Variants in AXIN1 observed in about 807,000 individuals in gnomAD.
AXIN1 encodes axin 1, also known as axin-1.
In AXIN1, 30 loss-of-function variants were observed where a neutral mutation model predicts 76.4. That is an observed-to-expected ratio of 0.39 (90% CI 0.29 to 0.53). The LOEUF (loss-of-function observed/expected upper bound fraction) is 0.53, where lower values mean the gene tolerates loss of function less well. Ranked by LOEUF, AXIN1 falls within the 20% of genes least tolerant of loss-of-function variation. The probability of loss-of-function intolerance (pLI) is 0.66; values close to 1 mark genes in which losing one functional copy is unlikely to be tolerated. For synonymous variants in AXIN1, 545 were observed against 501.4 expected, an observed-to-expected ratio of 1.09 and a Z score of -1.16; for missense variants, 1,140 against 1,198.8, an observed-to-expected ratio of 0.95 and a Z score of 0.72.
At chr16:288,398 G>A (rs1018814429) in intron 10 of AXIN1, 150 bp from the exon 11 acceptor site, 6 of 1,178,688 alleles carry the variant, frequency 5.1e-6, no homozygotes, top group Non-Finnish European at 7.3e-6. Flanking sequence ...CCCTCCCAGG[G>A]CAACAGTGAA....
In AXIN1 at chr16:297,910, G is replaced by A. The variant is rs1313500414; in HGVS notation, c.1596C>T (p.His532=). ...GGTGGACGTGGTGGTGGACGTGTCG[G>A]TGGTGGTGCAGGCCGGCCGCGTCCA... ...AKLDAAGLHH[H]RHVHHHVHHS... The change falls in exon 6 of 11, where the codon CAC becomes CAT. Residue 532 remains histidine, a synonymous_variant. Transcript: ENST00000262320. The A allele has an allele frequency of 6.3e-7, 1 of 1,597,522 alleles. No homozygotes were observed. The highest frequency in any genetic ancestry group is 8.5e-7 in the Non-Finnish European group (1 of 1,171,180).
rs34396403 is a variant in AXIN1 at position 287,827 on chromosome 16, T to TGG, written c.*293_*294dup. Reference sequence around the variant, plus strand: ...CGTGCCCAAGGGAGGTGCCGGGGGATGGGGGGGGGTCACCTGAAGCTGGCA... The same window carrying TGG: ...CGTGCCCAAGGGAGGTGCCGGGGGATGGGGGGGGGGGTCACCTGAAGCTGGCA... On this transcript the variant is annotated 3_prime_UTR_variant, in exon 11 of 11. Transcript: ENST00000262320. 1,755 of 492,628 alleles carry TGG rather than the reference T, an allele frequency of 3.6e-3. 18 individuals carry two copies. The highest frequency in any genetic ancestry group is 0.027 in the African/African-American group (1,363 of 51,348). 30.5% of individuals were successfully genotyped at this position (492,628 alleles called of 1,614,324 possible). A position where few individuals can be genotyped will look rare whatever the true frequency, so the allele number is the denominator to read the frequency against.
In AXIN1 at chr16:293,824, G is replaced by T; in HGVS notation, c.1956-106C>A. ...GGGCAGCCTCCTTGAGGGATAGGAT[G>T]GGATGGGGCACTGGGGCCTGGCCAC... On this transcript the variant is annotated intron_variant, in intron 7 of 10. Transcript: ENST00000262320. The surrounding 1 kb of genome is among the most constrained non-coding windows in gnomAD (Gnocchi z 4.6). 1 of 1,127,672 alleles carries T rather than the reference G, an allele frequency of 8.9e-7. No individual in the cohort carries two copies. Among genetic ancestry groups the T allele is most frequent in the South Asian group, 1.2e-5 (1 of 81,048 alleles). 69.9% of individuals were successfully genotyped at this position (1,127,672 alleles called of 1,614,324 possible).
intron 2 of AXIN1, 28 bp downstream of exon 2, chr16:346,120 G>C (rs2054027924): frequency 3.1e-6 from 5 of 1,608,194 alleles, no homozygotes; most frequent in South Asian, 2.2e-5. Flanking sequence ...GGTGAGTACA[G>C]AAAGTGGACG....
chr16:347,540 A>G (rs1245178191), intron 1 of AXIN1, among the ~76,000 whole-genome samples: 1 of 152,228 alleles, frequency 6.6e-6, no homozygotes, highest in Non-Finnish European at 1.5e-5. Flanking sequence ...GATGGAGACA[A>G]TCGCTCCACC....
Position 287,692 on chromosome 16 carries a change from G to C in AXIN1, c.*430C>G, listed in dbSNP as rs541552430. 1.6e-4 allele frequency: 55 copies of C among 340,316 alleles called. No individual in the cohort carries two copies. In the South Asian group the frequency reaches 2.1e-3, roughly 13 times the overall value. The allele number at this position is 340,316 out of a possible 1,614,324, so 21.1% of individuals were successfully genotyped here. A position where few individuals can be genotyped will look rare whatever the true frequency, so the allele number is the denominator to read the frequency against. Reference sequence around the variant, plus strand: ...GAGACAAGCTGTGTTGAAGGCACTCGGTGGCGCGTACAATTGACAGAGGCC... The same window carrying C: ...GAGACAAGCTGTGTTGAAGGCACTCCGTGGCGCGTACAATTGACAGAGGCC... On this transcript the variant is annotated 3_prime_UTR_variant, in exon 11 of 11. Coordinates refer to ENST00000262320, the MANE Select transcript of AXIN1 (RefSeq NM_003502.4).
intron 2 of AXIN1, among the ~76,000 whole-genome samples, chr16:322,276 C>T (rs2053476105): frequency 6.6e-6 from 1 of 152,046 alleles, no homozygotes; most frequent in South Asian, 2.1e-4. Context: ...GGGAACATGG[C>T]GCACACCCCA....
At chr16:315,124 C>T (rs1005227688) in intron 2 of AXIN1, among the ~76,000 whole-genome samples, 1 of 152,180 alleles carries the variant, frequency 6.6e-6, no homozygotes, top group Non-Finnish European at 1.5e-5. Context: ...AGCATGGCCA[C>T]GGGACTGATG....
chr16:341,363 G>C (rs140228304), intron 2 of AXIN1, among the ~76,000 whole-genome samples: 4 of 152,220 alleles, frequency 2.6e-5, no homozygotes, highest in African/African-American at 7.2e-5. Flanking sequence ...CAGAGCAGCC[G>C]GCCAGCCCTG....
At chr16:350,966 T>C (rs1474791340) in intron 1 of AXIN1, among the ~76,000 whole-genome samples, 1 of 152,060 alleles carries the variant, frequency 6.6e-6, no homozygotes, top group Non-Finnish European at 1.5e-5. Flanking sequence ...ACCCCATCTC[T>C]ACTAAAAATA....
At chr16:345,210 C>T (rs2054009780) in intron 2 of AXIN1, among the ~76,000 whole-genome samples, 1 of 152,208 alleles carries the variant, frequency 6.6e-6, no homozygotes, top group South Asian at 2.1e-4. Context: ...ACACGCACCC[C>T]ACAGGCCCTG....
chr16:352,159 T>A (rs1418307984), intron 1 of AXIN1, among the ~76,000 whole-genome samples: 1 of 151,530 alleles, frequency 6.6e-6, no homozygotes, highest in African/African-American at 2.4e-5. Flanking sequence ...CTGCAGCTGC[T>A]CCGTGCCCCG....
rs913317631 is a variant in AXIN1 at position 317,420 on chromosome 16, G to A, written c.879-2737C>T. Reference sequence around the variant, plus strand: ...TCAGCTGCTCGGGAGGCAGGTGCAGGACCCCATGCCACAATGGAAAACACG... The same window carrying A: ...TCAGCTGCTCGGGAGGCAGGTGCAGAACCCCATGCCACAATGGAAAACACG... On this transcript the variant is annotated intron_variant, in intron 2 of 10. Coordinates refer to ENST00000262320, the MANE Select transcript of AXIN1 (RefSeq NM_003502.4). Among the ~76,000 whole-genome samples the A allele has an allele frequency of 2.0e-5, 3 of 152,202 alleles. No individual in the cohort carries two copies. The East Asian group carries it at 5.8e-4, about 29-fold the overall frequency.
At chr16:289,029 C>CT (rs1347517765) in intron 10 of AXIN1, among the ~76,000 whole-genome samples, 1 of 152,016 alleles carries the variant, frequency 6.6e-6, no homozygotes, top group African/African-American at 2.4e-5. Flanking sequence ...GGAGAAGTGG[C>CT]TTTAGTTGCA....
In AXIN1 at chr16:352,467, G is replaced by C; in HGVS notation, c.-180C>G. 2 of 964,888 alleles carry C rather than the reference G, an allele frequency of 2.1e-6. No individual in the cohort carries two copies. Among genetic ancestry groups the C allele is most frequent in the Non-Finnish European group, 2.5e-6 (2 of 814,330 alleles). The allele number at this position is 964,888 out of a possible 1,614,324, so 59.8% of individuals were successfully genotyped here. Reference sequence around the variant, plus strand: ...GCGGCAGCGCGGCGGGCGGGACCCGGCGGGGGCGCGGCCCGGGGCGGCCCC... The same window carrying C: ...GCGGCAGCGCGGCGGGCGGGACCCGCCGGGGGCGCGGCCCGGGGCGGCCCC... On this transcript the variant is annotated 5_prime_UTR_variant, in exon 1 of 11. Coordinates refer to ENST00000262320, the MANE Select transcript of AXIN1 (RefSeq NM_003502.4).
intron 2 of AXIN1, among the ~76,000 whole-genome samples, chr16:328,805 G>C (rs1356124922): frequency 2.6e-5 from 4 of 152,228 alleles, no homozygotes; most frequent in African/African-American, 4.8e-5. Flanking sequence ...AGACAGGAGA[G>C]ATGGCAGGCA....
intron 2 of AXIN1, among the ~76,000 whole-genome samples, chr16:326,634 TA>T (rs2053590290): frequency 6.6e-6 from 1 of 150,410 alleles, no homozygotes; most frequent in Non-Finnish European, 1.5e-5. Context: ...TAGTCCCAGC[TA>T]CTCGGGAGGC....
rs34015754 is a variant in AXIN1 at position 288,189 on chromosome 16, C to T, written c.2522G>A (p.Arg841Gln). The T allele has an allele frequency of 9.1e-3, 14,728 of 1,613,706 alleles. 110 individuals are homozygous for T. Among genetic ancestry groups the T allele is most frequent in the Non-Finnish European group, 9.8e-3 (11,601 of 1,180,008 alleles). The change falls in exon 11 of 11, where the codon CGA becomes CAA. Residue 841 changes from arginine (R) to glutamine (Q), a missense_variant. Transcript: ENST00000262320. The stretch of plus-strand genomic sequence containing the variant: ...GACGGGCAGGACGGCCTCGTCCTCT[C>T]GAACCTCCTCAAACACCACCCCACA... ...FDCGVVFEEV[R>Q]EDEAVLPVFE...
rs763063102 is a variant in AXIN1, at chr16:347,117, C to G, written c.-81-11G>C. 1 of 1,604,116 alleles carries G rather than the reference C, an allele frequency of 6.2e-7. No individual in the cohort carries two copies. The highest frequency in any genetic ancestry group is 8.5e-7 in the Non-Finnish European group (1 of 1,177,216). ...GTGAATCAATCTGTCCTGTTGAAAC[C>G]ATTAAGAGGACAAGGATTAGGAAAG... is the stretch of plus-strand genomic sequence containing the variant. On this transcript the variant is annotated splice_polypyrimidine_tract_variant and intron_variant, in intron 1 of 10. Coordinates refer to ENST00000262320, the MANE Select transcript of AXIN1 (RefSeq NM_003502.4).
Sources: allele counts gnomAD v4.1 joint callset (sites outside exome capture counted in the v4.1 genomes callset), GRCh38; gene constraint gnomAD v4.1.1; non-coding constraint Gnocchi (gnomAD v3.1); transcripts MANE v1.5; gene names NCBI Gene and HGNC (gene_info 2026-07-23, HGNC 2026-07-21).